Variants in PIAS2 observed in about 807,000 individuals in gnomAD.
PIAS2 encodes E3 SUMO-protein ligase PIAS2.
PIAS2 carries 19 observed loss-of-function variants against 69.7 expected under a neutral mutation model. That is an observed-to-expected ratio of 0.27 (90% CI 0.19 to 0.40). The LOEUF (loss-of-function observed/expected upper bound fraction) is 0.40. Ranked by LOEUF, PIAS2 falls within the 10% of genes least tolerant of loss-of-function variation. The pLI is 1.00. For synonymous variants in PIAS2, 261 were observed against 263.2 expected (o/e 0.99, Z 0.08); for missense variants, 624 against 757.0 (o/e 0.82, Z 2.06).
chr18:46,830,020 T>C (rs1469411913), intron 9 of PIAS2, among the ~76,000 whole-genome samples, 153 bp from the exon 10 acceptor site: 2 of 152,224 alleles, frequency 1.3e-5, no homozygotes, highest in East Asian at 1.9e-4. Context: ...ACAACAATTA[T>C]TACACTCCCT....
chr18:46,894,907 C>A (rs2054605176), intron 1 of PIAS2, among the ~76,000 whole-genome samples: 1 of 151,770 alleles, frequency 6.6e-6, no homozygotes, highest in African/African-American at 2.4e-5. Context: ...CCCGTCTCTA[C>A]TAAAAATACA....
intron 6 of PIAS2, among the ~76,000 whole-genome samples, chr18:46,845,846 T>G (rs984941227): frequency 7.9e-5 from 12 of 152,128 alleles, no homozygotes; most frequent in African/African-American, 2.9e-4. Flanking sequence ...ATGGCAAAAG[T>G]TTTCAATGTC....
chr18:46,815,881 T>C, intron 12 of PIAS2: 5 of 985,602 alleles, frequency 5.1e-6, no homozygotes, highest in Non-Finnish European at 6.0e-6. Context: ...CGGGAATTGC[T>C]GCGCTAACAG....
At chr18:46,817,175 A>G (rs1193758319) in intron 12 of PIAS2, 27 of 964,222 alleles carry the variant, frequency 2.8e-5, no homozygotes, top group Admixed American at 6.2e-5. Context: ...TTTCAGTTTC[A>G]TATGTTCAAT....
chr18:46,888,048 A>C (rs903119760), intron 2 of PIAS2, among the ~76,000 whole-genome samples: 3 of 152,216 alleles, frequency 2.0e-5, no homozygotes, highest in African/African-American at 7.2e-5. Flanking sequence ...GCAAAAATCA[A>C]TTGCATTTTT....
At chr18:46,840,034 G>A (rs693503) in intron 8 of PIAS2, among the ~76,000 whole-genome samples, 67,852 of 151,560 alleles carry the variant, frequency 0.45, 15,254 homozygotes, top group Middle Eastern at 0.52. Context: ...GATGGCAGGT[G>A]CCTGTAATCC....
intron 9 of PIAS2, among the ~76,000 whole-genome samples, chr18:46,833,418 T>G (rs528430214): frequency 1.3e-5 from 2 of 152,234 alleles, no homozygotes; most frequent in East Asian, 3.9e-4. Context: ...ATGAGAAAAC[T>G]TTAGGTGTGA....
intron 2 of PIAS2, among the ~76,000 whole-genome samples, chr18:46,886,509 A>G (rs1199247419): frequency 6.6e-6 from 1 of 152,212 alleles, no homozygotes; most frequent in East Asian, 1.9e-4. Context: ...TAAAATCATA[A>G]AAGACAGACA....
chr18:46,816,210 C>G, intron 12 of PIAS2: 5 of 985,272 alleles, frequency 5.1e-6, no homozygotes, highest in Non-Finnish European at 6.0e-6. Context: ...CATTCAGAGA[C>G]ACCCCGAATA....
chr18:46,891,055 C>T lies in PIAS2; in HGVS notation c.25-1G>A. On this transcript the variant is annotated splice_acceptor_variant, in intron 1 of 13. Transcript: ENST00000585916. LOFTEE classifies it high-confidence loss of function. Reference sequence around the variant, plus strand: ...AAACCCTAAAACTAGAAACCATATTCTAAAAGGAAAGAAAAAAAAACATAA... The same window carrying T: ...AAACCCTAAAACTAGAAACCATATTTTAAAAGGAAAGAAAAAAAAACATAA... The T allele has an allele frequency of 6.4e-7, 1 of 1,555,654 alleles. No homozygotes were observed. The highest frequency in any genetic ancestry group is 8.7e-7 in the Non-Finnish European group (1 of 1,150,496).
At chr18:46,849,801 T>C (rs2145333761) in intron 5 of PIAS2, among the ~76,000 whole-genome samples, 1 of 152,308 alleles carries the variant, frequency 6.6e-6, no homozygotes, top group East Asian at 1.9e-4. Context: ...TCAATAATTA[T>C]CAACATGTTG....
At chr18:46,823,073 C>CAA (rs34457697) in intron 11 of PIAS2, among the ~76,000 whole-genome samples, 10,364 of 119,548 alleles carry the variant, frequency 0.087, 461 homozygotes, top group Non-Finnish European at 0.1. Flanking sequence ...CTTGTATCTA[C>CAA]AAAAAAAAAA....
intron 2 of PIAS2, among the ~76,000 whole-genome samples, chr18:46,877,017 G>A (rs930313456): frequency 6.6e-6 from 1 of 152,062 alleles, no homozygotes; most frequent in African/African-American, 2.4e-5. Flanking sequence ...CTAATTTAAT[G>A]GAAAAATGGT....
Position 46,807,076 on chromosome 18 carries a change from T to C in PIAS2, c.*5357A>G, listed in dbSNP as rs566073812. On this transcript the variant is annotated 3_prime_UTR_variant, in exon 14 of 14. Transcript: ENST00000585916. ...TTATAGCTTTTAGCCTTACCACTTT[T>C]CAGTTTGGGGATGGAATGCCTTTGG... 6 of 151,640 alleles carry C rather than the reference T, an allele frequency of 4.0e-5. No homozygotes were observed. Among genetic ancestry groups the C allele is most frequent in the Admixed American group, 2.0e-4 (3 of 15,224 alleles). The allele number at this position is 151,640 out of a possible 1,614,324, so 9.4% of individuals were successfully genotyped here. A position where few individuals can be genotyped will look rare whatever the true frequency, so the allele number is the denominator to read the frequency against.
At chr18:46,916,952 C>T in intron 1 of PIAS2, 7 of 985,644 alleles carry the variant, frequency 7.1e-6, no homozygotes, top group Non-Finnish European at 8.4e-6. Flanking sequence ...CAGACACGTA[C>T]ACCCCGGTGA....
chr18:46,876,895 T>C (rs564884713), intron 2 of PIAS2, among the ~76,000 whole-genome samples: 1 of 152,014 alleles, frequency 6.6e-6, no homozygotes, highest in South Asian at 2.1e-4. Flanking sequence ...AGAGATGGGG[T>C]TTCACCGTGT....
At chr18:46,893,588 G>T in intron 1 of PIAS2, 1 of 237,506 alleles carries the variant, frequency 4.2e-6, no homozygotes, top group Non-Finnish European at 6.8e-6. Context: ...GACTATGAAT[G>T]CGGAATCACA....
At position 46,806,816 on chromosome 18, in the gene PIAS2, C is replaced by T. The variant is rs1339786714; in HGVS notation, c.*5617G>A. On this transcript the variant is annotated 3_prime_UTR_variant, in exon 14 of 14. Coordinates refer to ENST00000585916, the MANE Select transcript of PIAS2 (RefSeq NM_004671.5). ...AAGAGGCATATGCTATTCTACAACA[C>T]GGTAACACTCTTCGTCACTTAAAAT... 2 of 152,098 alleles carry T rather than the reference C, an allele frequency of 1.3e-5. No individual in the cohort carries two copies. Among genetic ancestry groups the T allele is most frequent in the East Asian group, 1.9e-4 (1 of 5,186 alleles). 9.4% of individuals were successfully genotyped at this position (152,098 alleles called of 1,614,324 possible).
chr18:46,884,991 GA>G (rs893562641), intron 2 of PIAS2, among the ~76,000 whole-genome samples: 1 of 152,028 alleles, frequency 6.6e-6, no homozygotes, highest in African/African-American at 2.4e-5. Context: ...GTTATTTAAG[GA>G]AAGAAAATGG....
Sources: gnomAD v4.1 joint callset for allele counts (sites outside exome capture counted in the v4.1 genomes callset) on GRCh38, gnomAD v4.1.1 for gene constraint, MANE v1.5 for transcripts, NCBI Gene and HGNC (gene_info 2026-07-23, HGNC 2026-07-21) for gene names.